Variants in PTPRU observed in about 807,000 individuals in gnomAD.
PTPRU encodes the protein receptor-type tyrosine-protein phosphatase U.
Under a neutral mutation model 166.3 loss-of-function variants are expected in PTPRU, and 69 were observed. The observed-to-expected ratio is 0.41, with a 90% CI of 0.34 to 0.51. PTPRU has a LOEUF of 0.51. PTPRU is among the 20% of genes least tolerant of loss of function. The pLI, the probability that PTPRU is intolerant of heterozygous loss-of-function variation, is 0.09. For synonymous variants in PTPRU, 793 were observed against 814.0 expected (o/e 0.97, Z 0.44); for missense variants, 1,657 against 2,013.7 (o/e 0.82, Z 3.39).
At chr1:29,321,086 C>T (rs112899742) in intron 26 of PTPRU, among the ~76,000 whole-genome samples, 7 of 152,122 alleles carry the variant, frequency 4.6e-5, no homozygotes, top group East Asian at 3.9e-4. Context: ...TGCAGTGGCG[C>T]GATCACAGCT....
chr1:29,276,162 T>A (rs904152550), intron 8 of PTPRU, among the ~76,000 whole-genome samples: 50 of 152,338 alleles, frequency 3.3e-4, no homozygotes, highest in Middle Eastern at 3.4e-3. Flanking sequence ...TTATAATTTT[T>A]TTTATTTATT....
intron 16 of PTPRU, 151 bp downstream of exon 16, chr1:29,304,196 G>A (rs1438129320): frequency 2.2e-6 from 2 of 921,970 alleles, no homozygotes; most frequent in East Asian, 2.7e-5. Context: ...CCTCGACTCT[G>A]ACCCTCATCC....
intron 29 of PTPRU, 105 bp from the exon 30 acceptor site, chr1:29,325,494 C>T (rs1377649541): frequency 1.3e-6 from 2 of 1,512,596 alleles, no homozygotes; most frequent in Non-Finnish European, 1.8e-6. Context: ...GAGGGCGGGC[C>T]TGGGCTCGGG....
rs1175227869 is a variant in PTPRU at position 29,260,186 on chromosome 1, T to C, written c.850+142T>C. ...CTGGGGCGCTATCTGAAGATGGGCC[T>C]GTGGAAATGGCAGTGGCCCAGCCGG... is the stretch of plus-strand genomic sequence containing the variant. On this transcript the variant is annotated intron_variant, in intron 6 of 29. Transcript: ENST00000373779. This position sits in a 1 kb window ranked among gnomAD's most constrained non-coding sequence, Gnocchi z 8.3. The C allele has an allele frequency of 2.0e-6, 2 of 1,005,284 alleles. No homozygotes were observed. The highest frequency in any genetic ancestry group is 2.7e-6 in the Non-Finnish European group (2 of 751,722). The allele number at this position is 1,005,284 out of a possible 1,614,324, so 62.3% of individuals were successfully genotyped here.
In PTPRU at chr1:29,283,947, G is replaced by A. The variant is rs780706633; in HGVS notation, c.2150G>A (p.Arg717Gln). ...CCCCATCTGTGCCTCCAGGAGACCC[G>A]GCTGAATTGCATCCGCATTGCCAGG... Reference protein sequence around the residue: ...QAASHLKGETRLNCIRIARKA... With the variant: ...QAASHLKGETQLNCIRIARKA... Residue 717 changes from arginine to glutamine, a missense_variant, in exon 13 of 30, where the codon CGG becomes CAG. Arg to Gln is a conservative substitution (Grantham distance 43, BLOSUM62 1). Transcript: ENST00000373779. 7 of 1,613,958 alleles carry A rather than the reference G, an allele frequency of 4.3e-6. No individual in the cohort carries two copies. Among genetic ancestry groups the A allele is most frequent in the East Asian group, 2.2e-5 (1 of 44,874 alleles).
chr1:29,299,598 A>G (rs1026889437), intron 15 of PTPRU, among the ~76,000 whole-genome samples: 5 of 152,176 alleles, frequency 3.3e-5, no homozygotes, highest in African/African-American at 7.2e-5. Flanking sequence ...GCTTGTCCTC[A>G]GCCACTGTGC....
intron 8 of PTPRU, among the ~76,000 whole-genome samples, chr1:29,278,658 T>C (rs930338850): frequency 6.6e-6 from 1 of 152,244 alleles, no homozygotes; most frequent in African/African-American, 2.4e-5. Flanking sequence ...CCCATGTGCA[T>C]ATTTTCTGAA....
In PTPRU at chr1:29,260,146, GC is replaced by G. The variant is rs1407037827; in HGVS notation, c.850+104del. The G allele has an allele frequency of 8.5e-7, 1 of 1,180,162 alleles. No individual in the cohort carries two copies. The highest frequency in any genetic ancestry group is 1.6e-5 in the African/African-American group (1 of 61,460). 73.1% of individuals were successfully genotyped at this position (1,180,162 alleles called of 1,614,324 possible). ...CGGGGGCGTGGCCGTGGGGGGTGGG[GC>G]CGGCAGGGTGTCGCTGGGGCGCTAT... On this transcript the variant is annotated intron_variant, in intron 6 of 29. Coordinates refer to ENST00000373779, the MANE Select transcript of PTPRU (RefSeq NM_133178.4). The surrounding 1 kb of genome is among the most constrained non-coding windows in gnomAD (Gnocchi z 8.3).
chr1:29,307,294 T>C, intron 18 of PTPRU: 1 of 1,134,078 alleles, frequency 8.8e-7, no homozygotes, highest in Non-Finnish European at 1.3e-6. Context: ...CAACCGTCCA[T>C]TTCAGCAGCC....
chr1:29,301,320 C>T (rs1687122875), intron 15 of PTPRU, among the ~76,000 whole-genome samples: 1 of 152,238 alleles, frequency 6.6e-6, no homozygotes, highest in South Asian at 2.1e-4. Context: ...ACATTGTAGC[C>T]ATCATAATGT....
At chr1:29,310,718 A>G (rs777516185) in intron 18 of PTPRU, 26 bp from the exon 19 acceptor site, 31 of 1,610,778 alleles carry the variant, frequency 1.9e-5, no homozygotes, top group Non-Finnish European at 2.6e-5. Context: ...CCTGGGGTCT[A>G]ACCGTGCCCT....
intron 5 of PTPRU, 68 bp from the exon 6 acceptor site, chr1:29,259,802 C>T (rs747347967): frequency 2.5e-4 from 367 of 1,450,364 alleles, no homozygotes; most frequent in Non-Finnish European, 3.1e-4. Flanking sequence ...AAATGGGGCC[C>T]GGGTCAGAGC....
chr1:29,307,162 C>T, intron 18 of PTPRU: 1 of 1,611,336 alleles, frequency 6.2e-7, no homozygotes, highest in East Asian at 2.2e-5. Flanking sequence ...TATCTCTCTC[C>T]CCTTCTCCTC....
Position 29,275,648 on chromosome 1 carries a change from A to G in PTPRU, c.1345A>G (p.Thr449Ala), listed in dbSNP as rs746629081. The G allele has an allele frequency of 1.9e-6, 3 of 1,614,034 alleles. No individual in the cohort carries two copies. The highest frequency in any genetic ancestry group is 1.7e-6 in the Non-Finnish European group (2 of 1,180,032). The change falls in exon 8 of 30, where the codon ACC becomes GCC. Residue 449 changes from threonine to alanine, a missense_variant. Physicochemically the swap from Thr to Ala is moderately conservative, Grantham distance 58. Coordinates refer to ENST00000373779, the MANE Select transcript of PTPRU (RefSeq NM_133178.4). ...VKTEQGVSRYTIKNLLPYRNV... is the reference protein window; with the variant it reads ...VKTEQGVSRYAIKNLLPYRNV... The stretch of plus-strand genomic sequence containing the variant: ...GACAGAGCAAGGTGTCAGCCGCTAC[A>G]CCATCAAGAACCTGCTGCCCTATCG...
At position 29,317,808 on chromosome 1, in the gene PTPRU, C is replaced by A; in HGVS notation, c.3574C>A (p.Arg1192=). Reference sequence around the variant, plus strand: ...GGAGTGCAGCATCGCCCTGTTGCCCCGGAACCGCGACAAGAACCGCAGCAT... The same window carrying A: ...GGAGTGCAGCATCGCCCTGTTGCCCAGGAACCGCGACAAGAACCGCAGCAT... ...VEECSIALLP[R]NRDKNRSMDV... Residue 1192 remains arginine, a synonymous_variant, in exon 25 of 30, where the codon CGG becomes AGG. Coordinates refer to ENST00000373779, the MANE Select transcript of PTPRU (RefSeq NM_133178.4). This position sits in a 1 kb window ranked among gnomAD's most constrained non-coding sequence, Gnocchi z 5.6. 1 of 1,613,338 alleles carries A rather than the reference C, an allele frequency of 6.2e-7. No individual in the cohort carries two copies. Among genetic ancestry groups the A allele is most frequent in the Middle Eastern group, 1.6e-4 (1 of 6,062 alleles).
chr1:29,319,399 C>T (rs189986674), intron 25 of PTPRU, among the ~76,000 whole-genome samples: 9 of 152,330 alleles, frequency 5.9e-5, no homozygotes, highest in Admixed American at 5.2e-4. Flanking sequence ...GCCCTGTCCC[C>T]TCCTGAGGTC....
intron 18 of PTPRU, among the ~76,000 whole-genome samples, chr1:29,310,072 G>A (rs1262853032): frequency 6.6e-6 from 1 of 152,172 alleles, no homozygotes; most frequent in African/African-American, 2.4e-5. Context: ...GGAGGATGAA[G>A]TAGCTCTTGG....
intron 15 of PTPRU, among the ~76,000 whole-genome samples, chr1:29,293,482 T>TG (rs905467949): frequency 5.3e-5 from 8 of 150,590 alleles, no homozygotes; most frequent in Non-Finnish European, 1.0e-4. Context: ...TTTTTTGTTT[T>TG]TTTTTTTTTT....
intron 14 of PTPRU, among the ~76,000 whole-genome samples, chr1:29,288,353 T>G (rs1037142353): frequency 2.6e-5 from 4 of 152,042 alleles, no homozygotes; most frequent in African/African-American, 7.2e-5. Context: ...AAGAGATAAT[T>G]GCAAATTGTG....
Sources: gnomAD v4.1 joint callset for allele counts (sites outside exome capture counted in the v4.1 genomes callset) on GRCh38, gnomAD v4.1.1 for gene constraint, Gnocchi (gnomAD v3.1) non-coding constraint, MANE v1.5 for transcripts, NCBI Gene and HGNC (gene_info 2026-07-23, HGNC 2026-07-21) for gene names.